ME1: variants seen among roughly 807,000 people sequenced by gnomAD.
The protein encoded by ME1 is malic enzyme 1.
ME1 carries 74 observed loss-of-function variants against 66.4 expected under a neutral mutation model. The observed-to-expected ratio is 1.11, with a 90% CI of 0.92 to 1.35. The LOEUF (loss-of-function observed/expected upper bound fraction) is 1.35. Among genes scored for constraint, ME1 ranks in the 40% most tolerant of loss-of-function variants. The pLI, the probability that ME1 is intolerant of heterozygous loss-of-function variation, is 0.00. For missense variants in ME1, 750 were observed against 694.1 expected (o/e 1.08, Z -0.90); for synonymous variants, 251 against 235.6 (o/e 1.07, Z -0.60).
chr6:83,390,094 A>G (rs1454660390), intron 3 of ME1, among the ~76,000 whole-genome samples: 1 of 152,198 alleles, frequency 6.6e-6, no homozygotes, highest in Non-Finnish European at 1.5e-5. Context: ...TATTCATACA[A>G]GAATTTATTT....
At chr6:83,429,984 A>T (rs565177255) in intron 1 of ME1, among the ~76,000 whole-genome samples, 1 of 152,316 alleles carries the variant, frequency 6.6e-6, no homozygotes, top group East Asian at 1.9e-4. Context: ...ATAAGTGTGG[A>T]AGCAAAATGA....
intron 5 of ME1, among the ~76,000 whole-genome samples, chr6:83,327,674 C>T (rs1228629712): frequency 6.6e-6 from 1 of 152,176 alleles, no homozygotes; most frequent in East Asian, 1.9e-4. Flanking sequence ...CGCCTCGGTC[C>T]TGTGGTCCTG....
chr6:83,266,055 C>A (rs979530588), intron 6 of ME1, among the ~76,000 whole-genome samples: 11 of 152,138 alleles, frequency 7.2e-5, no homozygotes, highest in Non-Finnish European at 5.9e-5. Context: ...AGGCTCTATA[C>A]ATAATCTTCA....
At chr6:83,331,361 G>A (rs368656002) in intron 5 of ME1, among the ~76,000 whole-genome samples, 10 of 151,990 alleles carry the variant, frequency 6.6e-5, no homozygotes, top group African/African-American at 1.5e-4. Context: ...AGGCTGAGGC[G>A]GGTGGATCAC....
intron 6 of ME1, among the ~76,000 whole-genome samples, chr6:83,292,290 G>A (rs906339701): frequency 2.0e-5 from 3 of 152,134 alleles, no homozygotes; most frequent in East Asian, 1.9e-4. Context: ...TGGGACCTAC[G>A]AATAGGGTTT....
intron 13 of ME1, 47 bp downstream of exon 13, chr6:83,216,451 A>G (rs754838498): frequency 2.5e-5 from 32 of 1,291,592 alleles, no homozygotes; most frequent in Non-Finnish European, 3.2e-5. Flanking sequence ...CATATTTAGC[A>G]AGAAAAGGAA....
At chr6:83,316,522 AATACTT>A (rs1044857599) in intron 5 of ME1, among the ~76,000 whole-genome samples, 11 of 152,152 alleles carry the variant, frequency 7.2e-5, no homozygotes, top group Non-Finnish European at 1.3e-4. Context: ...ACAAGACAAG[AATACTT>A]ACCTTCATCA....
intron 6 of ME1, among the ~76,000 whole-genome samples, chr6:83,273,563 A>C (rs971172774): frequency 1.3e-5 from 2 of 152,214 alleles, no homozygotes; most frequent in African/African-American, 4.8e-5. Context: ...TTCCATGATT[A>C]AAAAGAAAGT....
intron 6 of ME1, among the ~76,000 whole-genome samples, chr6:83,307,458 C>G (rs1442941571): frequency 6.6e-6 from 1 of 152,002 alleles, no homozygotes. Flanking sequence ...CACCCTGGGT[C>G]CACAGGGAAG....
rs994537031 is a variant in ME1 at position 83,237,243 on chromosome 6, G to GAAAGAAAA, written c.1026+473_1026+474insTTTTCTTT. Among the ~76,000 whole-genome samples the GAAAGAAAA allele has an allele frequency of 3.6e-5, 3 of 84,412 alleles. No individual in the cohort carries two copies. The East Asian group carries it at 9.0e-4, about 25-fold the overall frequency. 55.4% of individuals were successfully genotyped at this position (84,412 alleles called of 152,430 possible). On this transcript the variant is annotated intron_variant, in intron 9 of 13. Coordinates refer to ENST00000369705, the MANE Select transcript of ME1 (RefSeq NM_002395.6). The stretch of plus-strand genomic sequence containing the variant: ...CAGAGAGAGAAAAGAAAGAAAGAAA[G>GAAAGAAAA]AAAGAAAGAAAGAAAGAAAGAAAGA...
intron 3 of ME1, among the ~76,000 whole-genome samples, chr6:83,357,974 T>TATATATATATATATATATATA (rs1768931234): frequency 8.1e-6 from 1 of 123,594 alleles, no homozygotes; most frequent in African/African-American, 2.9e-5. Flanking sequence ...TATATATATA[T>TATATATATATATATATATATA]TTCATTAGTT....
intron 9 of ME1, among the ~76,000 whole-genome samples, chr6:83,230,124 C>A (rs1790272469): frequency 6.8e-6 from 1 of 146,604 alleles, no homozygotes; most frequent in South Asian, 2.2e-4. Context: ...CCATGCCAGG[C>A]TCTGTTTTTT....
chr6:83,297,821 T>C (rs780620270), intron 6 of ME1, among the ~76,000 whole-genome samples: 9 of 152,166 alleles, frequency 5.9e-5, no homozygotes, highest in African/African-American at 9.7e-5. Context: ...CTCCCACTTA[T>C]GAGTTCCTGT....
chr6:83,402,588 G>T (rs927431780), intron 2 of ME1, among the ~76,000 whole-genome samples: 2 of 152,138 alleles, frequency 1.3e-5, no homozygotes, highest in Admixed American at 6.5e-5. Context: ...CTACCAAGAG[G>T]AAACTAAACT....
At chr6:83,381,751 T>C (rs1426568375) in intron 3 of ME1, among the ~76,000 whole-genome samples, 1 of 152,166 alleles carries the variant, frequency 6.6e-6, no homozygotes, top group Non-Finnish European at 1.5e-5. Flanking sequence ...AGGGATCCAA[T>C]ACTGCAAGTC....
chr6:83,410,618 G>T (rs1292840077), intron 1 of ME1, among the ~76,000 whole-genome samples: 12 of 152,078 alleles, frequency 7.9e-5, no homozygotes, highest in Admixed American at 7.9e-4. Context: ...AGGAAAGCTG[G>T]CTAAAGTCTC....
intron 4 of ME1, among the ~76,000 whole-genome samples, chr6:83,351,104 G>A (rs193052090): frequency 5.9e-5 from 9 of 151,842 alleles, no homozygotes; most frequent in Admixed American, 6.6e-5. Flanking sequence ...GTCTCAAATA[G>A]GAAAGATCAC....
At chr6:83,397,098 C>T (rs1034267813) in intron 3 of ME1, among the ~76,000 whole-genome samples, 2 of 151,966 alleles carry the variant, frequency 1.3e-5, no homozygotes, top group Admixed American at 1.3e-4. Flanking sequence ...TAGATATGAC[C>T]CCAGTGGCAT....
In ME1 at chr6:83,421,437, C is replaced by T. The variant is rs138869254; in HGVS notation, c.78+9440G>A. The stretch of plus-strand genomic sequence containing the variant: ...GTGGTAGCTATAGTATACCTTGTCT[C>T]TCCCACTAAATCCAACAATAATCCT... On this transcript the variant is annotated intron_variant, in intron 1 of 13. Coordinates refer to ENST00000369705, the MANE Select transcript of ME1 (RefSeq NM_002395.6). Among the ~76,000 whole-genome samples the T allele has an allele frequency of 1.5e-3, 221 of 152,298 alleles. 1 individual carries two copies. Among genetic ancestry groups the T allele is most frequent in the African/African-American group, 5.0e-3 (209 of 41,574 alleles).
Sources: allele counts gnomAD v4.1 joint callset (sites outside exome capture counted in the v4.1 genomes callset), GRCh38; gene constraint gnomAD v4.1.1; transcripts MANE v1.5; gene names NCBI Gene and HGNC (gene_info 2026-07-23, HGNC 2026-07-21).